The following SLC26A8 variants were observed in gnomAD, a reference collection of about 807,000 sequenced individuals.
SLC26A8 encodes the protein testis anion transporter 1.
SLC26A8 carries 70 observed loss-of-function variants against 105.0 expected under a neutral mutation model. That is an observed-to-expected ratio of 0.67 (90% CI 0.55 to 0.81). The LOEUF (loss-of-function observed/expected upper bound fraction) is 0.81. SLC26A8 is among the 40% of genes least tolerant of loss of function. SLC26A8 has a pLI of 0.00. For missense variants in SLC26A8, 998 were observed against 1,181.8 expected (o/e 0.84, Z 2.28); for synonymous variants, 415 against 438.3 (o/e 0.95, Z 0.66).
chr6:35,991,658 C>T lies in SLC26A8; in HGVS notation c.942+1G>A. The T allele has an allele frequency of 1.9e-6, 3 of 1,548,662 alleles. No individual in the cohort carries two copies. Among genetic ancestry groups the T allele is most frequent in the South Asian group, 1.2e-5 (1 of 80,316 alleles). On this transcript the variant is annotated splice_donor_variant, in intron 7 of 19. Coordinates refer to ENST00000490799, the MANE Select transcript of SLC26A8 (RefSeq NM_052961.4). LOFTEE classifies it high-confidence loss of function. ...GAATTTGAGACATCAAAAACACCTA[C>T]CAGAAATAATTCCATGGGAAACTCA...
chr6:35,984,672 G>T (rs1773421961), intron 7 of SLC26A8, among the ~76,000 whole-genome samples: 1 of 152,000 alleles, frequency 6.6e-6, no homozygotes, highest in Non-Finnish European at 1.5e-5. Flanking sequence ...TGTCAGCCAT[G>T]GTCAAACCAC....
intron 1 of SLC26A8, among the ~76,000 whole-genome samples, chr6:36,021,926 C>T (rs370014865): frequency 2.0e-5 from 3 of 152,108 alleles, no homozygotes; most frequent in Non-Finnish European, 4.4e-5. Flanking sequence ...CCCTCGGCCT[C>T]CCAAAGTGCT....
chr6:35,955,266 C>T lies in SLC26A8; in HGVS notation c.2118G>A (p.Arg706=). 5 of 1,614,162 alleles carry T rather than the reference C, an allele frequency of 3.1e-6. No homozygotes were observed. The highest frequency in any genetic ancestry group is 4.2e-6 in the Non-Finnish European group (5 of 1,180,020). ...CATCTGAGTAAGGGATGAGTGATCT[C>T]CTCCCCTGGCTTTCCGCCACATCAG... ...GLPDVAESQG[R]RSLIPYSDAS... Residue 706 remains arginine (R), a synonymous_variant, in exon 17 of 20, where the codon AGG becomes AGA. Coordinates refer to ENST00000490799, the MANE Select transcript of SLC26A8 (RefSeq NM_052961.4).
chr6:36,024,451 C>G (rs530193539), intron 1 of SLC26A8, 53 bp downstream of exon 1: 30 of 449,994 alleles, frequency 6.7e-5, no homozygotes, highest in Admixed American at 3.8e-4. Flanking sequence ...ACGCAGCCCC[C>G]GCCCTGGGAC....
chr6:35,953,383 A>T (rs966432506), intron 17 of SLC26A8, among the ~76,000 whole-genome samples: 1 of 129,820 alleles, frequency 7.7e-6, no homozygotes, highest in Non-Finnish European at 1.6e-5. Context: ...TCAGATACTT[A>T]AAAGTTTCAA....
Position 35,959,576 on chromosome 6 carries a change from C to T in SLC26A8, c.1747G>A (p.Val583Met), listed in dbSNP as rs770148950. 1.9e-6 allele frequency: 3 copies of T among 1,613,278 alleles called. No homozygotes were observed. Among genetic ancestry groups the T allele is most frequent in the Non-Finnish European group, 8.5e-7 (1 of 1,179,766 alleles). ...KLLKEVDMVK[V>M]PLKEEEIFSL... ...AAAATTTCTTCTTCTTTAAGAGGCA[C>T]CTTTACCATATCAACCTGAAAGACA... Residue 583 changes from valine to methionine, a missense_variant, in exon 16 of 20, where the codon GTG becomes ATG. Physicochemically the swap from Val to Met is conservative, Grantham distance 21. Coordinates refer to ENST00000490799, the MANE Select transcript of SLC26A8 (RefSeq NM_052961.4).
chr6:35,955,606 C>G, intron 16 of SLC26A8, 86 bp from the exon 17 acceptor site: 1 of 1,508,184 alleles, frequency 6.6e-7, no homozygotes. Context: ...CTTGTCTCTG[C>G]CAGCTCATGT....
chr6:35,950,312 C>CA (rs1379130193), intron 19 of SLC26A8, among the ~76,000 whole-genome samples: 3 of 144,776 alleles, frequency 2.1e-5, no homozygotes, highest in Non-Finnish European at 3.0e-5. Flanking sequence ...TTTTTTTAGA[C>CA]AGAGTCTCAC....
In SLC26A8 at chr6:35,977,247, T is replaced by C; in HGVS notation, c.1130A>G (p.Lys377Arg). 1 of 1,614,080 alleles carries C rather than the reference T, an allele frequency of 6.2e-7. No homozygotes were observed. Among genetic ancestry groups the C allele is most frequent in the African/African-American group, 1.3e-5 (1 of 75,022 alleles). The change falls in exon 9 of 20, where the codon AAG becomes AGG. Residue 377 changes from lysine (K) to arginine (R), a missense_variant. Lys to Arg is a conservative substitution (Grantham distance 26). Transcript: ENST00000490799. The part of the protein sequence containing the change: ...VSSFLLIFLG[K>R]KIASLHNYSV... ...GTAATTGTGAAGACTGGCAATCTTC[T>C]TGCCCAGAAATATGAGCAGAAAGGA...
chr6:35,976,077 T>G (rs919002260), intron 9 of SLC26A8, among the ~76,000 whole-genome samples: 14 of 152,006 alleles, frequency 9.2e-5, no homozygotes, highest in Admixed American at 7.9e-4. Flanking sequence ...TGACCAGGAC[T>G]TAGGATGACA....
At chr6:35,967,851 T>TTTTA (rs754118191) in intron 11 of SLC26A8, among the ~76,000 whole-genome samples, 10 of 152,102 alleles carry the variant, frequency 6.6e-5, no homozygotes, top group Admixed American at 1.3e-4. Flanking sequence ...AATAACTTAA[T>TTTTA]TTTATTTATT....
chr6:35,947,223 GT>G (rs1771708022), intron 19 of SLC26A8, among the ~76,000 whole-genome samples: 2 of 151,850 alleles, frequency 1.3e-5, no homozygotes, highest in African/African-American at 4.8e-5. Flanking sequence ...TAGAGACAGG[GT>G]TTTGTCATGT....
At position 35,959,052 on chromosome 6, in the gene SLC26A8, C is replaced by T. The variant is rs557950227; in HGVS notation, c.1863+408G>A. 1.1e-4 allele frequency among the ~76,000 whole-genome samples: 16 copies of T among 152,296 alleles called. 1 individual carries two copies. In the South Asian group the frequency reaches 3.3e-3, roughly 32 times the overall value. ...GAGACCCTGGCAGATCCTTGAGAAG[C>T]CCAGCAACCTTGACCTTGCCCTAGT... is the stretch of plus-strand genomic sequence containing the variant. On this transcript the variant is annotated intron_variant, in intron 16 of 19. Coordinates refer to ENST00000490799, the MANE Select transcript of SLC26A8 (RefSeq NM_052961.4).
chr6:35,984,467 C>T (rs1328184184), intron 7 of SLC26A8, among the ~76,000 whole-genome samples: 4 of 151,846 alleles, frequency 2.6e-5, no homozygotes, highest in African/African-American at 4.8e-5. Flanking sequence ...GGACTACAGG[C>T]GTGCACCACT....
intron 2 of SLC26A8, among the ~76,000 whole-genome samples, 159 bp from the exon 3 acceptor site, chr6:36,012,531 C>T (rs1269038014): frequency 6.6e-6 from 1 of 152,200 alleles, no homozygotes; most frequent in African/African-American, 2.4e-5. Flanking sequence ...TGTTGTTGGG[C>T]TGTCCTGTGC....
chr6:35,970,659 C>T (rs1204562751), intron 10 of SLC26A8, among the ~76,000 whole-genome samples: 1 of 152,150 alleles, frequency 6.6e-6, no homozygotes, highest in African/African-American at 2.4e-5. Context: ...TCTTTTCTGC[C>T]ACTTTTTTTC....
At chr6:35,993,233 G>A (rs1222148372) in intron 5 of SLC26A8, among the ~76,000 whole-genome samples, 3 of 143,156 alleles carry the variant, frequency 2.1e-5, no homozygotes, top group Non-Finnish European at 4.5e-5. Flanking sequence ...TCGAACTCCT[G>A]ACCTCAAGTG....
At chr6:36,000,793 T>C (rs1236304389) in intron 3 of SLC26A8, among the ~76,000 whole-genome samples, 1 of 152,210 alleles carries the variant, frequency 6.6e-6, no homozygotes, top group African/African-American at 2.4e-5. Context: ...TTTATTGTCT[T>C]AGATAAGCAA....
chr6:35,952,257 C>T lies in SLC26A8; in HGVS notation c.2233-758G>A, dbSNP rs139487101. 2.6e-5 allele frequency among the ~76,000 whole-genome samples: 4 copies of T among 152,242 alleles called. No homozygotes were observed. The East Asian group carries it at 7.7e-4, about 29-fold the overall frequency. On this transcript the variant is annotated intron_variant, in intron 17 of 19. Coordinates refer to ENST00000490799, the MANE Select transcript of SLC26A8 (RefSeq NM_052961.4). The stretch of plus-strand genomic sequence containing the variant: ...CCTGGAGTTTACTGAGCAGAGGAAG[C>T]AAGATGTGGCTCAGAGACGCTCAAG...
Sources: allele counts gnomAD v4.1 joint callset (sites outside exome capture counted in the v4.1 genomes callset), GRCh38; gene constraint gnomAD v4.1.1; transcripts MANE v1.5; gene names NCBI Gene and HGNC (gene_info 2026-07-23, HGNC 2026-07-21).